The following NKAP variants were observed in gnomAD, a reference collection of about 807,000 sequenced individuals.
NKAP encodes the protein NF-kappa-B-activating protein.
A neutral mutation model predicts 35.6 loss-of-function variants in NKAP; 4 were observed. The ratio of observed to expected loss-of-function variants is 0.11; its 90% CI spans 0.06 to 0.26. The LOEUF (loss-of-function observed/expected upper bound fraction) is 0.26, where lower values mean the gene tolerates loss of function less well. Among genes scored for constraint, NKAP ranks in the 10% least tolerant of loss-of-function variants. The probability of loss-of-function intolerance (pLI) is 1.00; values close to 1 mark genes in which losing one functional copy is unlikely to be tolerated. For synonymous variants in NKAP, 106 were observed against 119.2 expected, an observed-to-expected ratio of 0.89 and a Z score of 0.72; for missense variants, 238 against 321.9, an observed-to-expected ratio of 0.74 and a Z score of 1.99.
At position 119,943,263 on chromosome X, in the gene NKAP, G is replaced by A. The variant is rs1208235413; in HGVS notation, c.343C>T (p.Pro115Ser). The A allele has an allele frequency of 2.7e-5, 33 of 1,209,005 alleles. No individual in the cohort carries two copies. Among genetic ancestry groups the A allele is most frequent in the Non-Finnish European group, 3.6e-5 (32 of 893,861 alleles). The change falls in exon 1 of 9, where the codon CCT becomes TCT. Residue 115 changes from proline (P) to serine (S), a missense_variant. Pro to Ser is a moderately conservative substitution (Grantham distance 74). Transcript: ENST00000371410. ...TCCCTCTCCTTGTCGAGGAGGCTAG[G>A]CCAAGGCTTGTCGCTCCCGTAGGGG... ...SRPYGSDKPWPSLLDKEREES... is the reference protein window; with the variant it reads ...SRPYGSDKPWSSLLDKEREES...
intron 1 of NKAP, 65 bp from the exon 2 acceptor site, chrX:119,938,875 A>C: frequency 1.2e-6 from 1 of 814,524 alleles, no homozygotes; most frequent in Non-Finnish European, 1.8e-6. Context: ...ATATAATCAA[A>C]TTCAATAGGA....
chrX:119,933,572 A>T (rs1368654011), intron 5 of NKAP, among the ~76,000 whole-genome samples: 1 of 112,337 alleles, frequency 8.9e-6, no homozygotes, highest in Non-Finnish European at 1.9e-5. Flanking sequence ...ACTGCAATTT[A>T]GGGACATTAT....
chrX:119,929,983 T>C (rs770993748), intron 8 of NKAP, 33 bp downstream of exon 8: 2 of 1,133,341 alleles, frequency 1.8e-6, no homozygotes, highest in African/African-American at 1.9e-5. Flanking sequence ...AAAGATCTAA[T>C]CATGGAAACT....
At chrX:119,928,970 C>T (rs1408931266) in intron 8 of NKAP, among the ~76,000 whole-genome samples, 1 of 110,534 alleles carries the variant, frequency 9.0e-6, no homozygotes, top group Non-Finnish European at 1.9e-5. Flanking sequence ...GATCTTGGCT[C>T]ATTGCAACCT....
At chrX:119,931,232 G>A (rs974196450) in intron 7 of NKAP, among the ~76,000 whole-genome samples, 5 of 111,144 alleles carry the variant, frequency 4.5e-5, no homozygotes, top group Non-Finnish European at 7.6e-5. Context: ...GACCAGGTGC[G>A]GTGGCTCACG....
intron 2 of NKAP, 200 bp from the exon 3 acceptor site, chrX:119,936,882 C>T (rs2056769488): frequency 2.7e-6 from 1 of 367,457 alleles, no homozygotes; most frequent in African/African-American, 2.7e-5. Context: ...GAACTACTTT[C>T]ATAAACGTGC....
Position 119,943,496 on chromosome X carries a change from G to A in NKAP, c.110C>T (p.Pro37Leu), listed in dbSNP as rs1179517814. The change falls in exon 1 of 9, where the codon CCG becomes CTG. Residue 37 changes from proline to leucine, a missense_variant. Physicochemically the swap from Pro to Leu is moderately conservative, Grantham distance 98. Around this residue, in one of 5 missense-constraint regions of NKAP, gnomAD observed 123 missense variants for 115.3 expected, o/e 1.07. Coordinates refer to ENST00000371410, the MANE Select transcript of NKAP (RefSeq NM_024528.4). ...GTGCGAGCGAGAGCGGCGGCCCCGC[G>A]GGGAGCGGGCAGATTTGCTGGGCTT... ...SPKPSKSARS[P>L]RGRRSRSHSC... 1 of 1,211,227 alleles carries A rather than the reference G, an allele frequency of 8.3e-7. No homozygotes were observed. The highest frequency in any genetic ancestry group is 1.8e-5 in the South Asian group (1 of 56,944).
chrX:119,931,790 A>G, intron 7 of NKAP, 146 bp downstream of exon 7: 1 of 509,594 alleles, frequency 2.0e-6, no homozygotes, highest in Non-Finnish European at 3.4e-6. Flanking sequence ...CAAAGTGCAC[A>G]TTAAGCCCAG....
At chrX:119,935,919 C>T (rs1330714315) in intron 4 of NKAP, among the ~76,000 whole-genome samples, 1 of 111,906 alleles carries the variant, frequency 8.9e-6, no homozygotes, top group Non-Finnish European at 1.9e-5. Context: ...GCCGATGCAG[C>T]CCTGTAAGGC....
At chrX:119,928,447 G>GT (rs781630934) in intron 8 of NKAP, among the ~76,000 whole-genome samples, 76 of 112,189 alleles carry the variant, frequency 6.8e-4, no homozygotes, top group African/African-American at 2.2e-3. Context: ...GGATTTTTGT[G>GT]TACTAACCTT....
intron 8 of NKAP, among the ~76,000 whole-genome samples, chrX:119,927,854 G>T (rs2056722520): frequency 8.9e-6 from 1 of 111,920 alleles, no homozygotes; most frequent in Non-Finnish European, 1.9e-5. Context: ...TTCTGATTTT[G>T]ATTGGGACTG....
At chrX:119,930,251 C>T (rs1325281453) in intron 7 of NKAP, 86 bp from the exon 8 acceptor site, 8 of 937,296 alleles carry the variant, frequency 8.5e-6, no homozygotes, top group Non-Finnish European at 1.2e-5. Context: ...ACCAAAAATC[C>T]CCACATTTTC....
At position 119,938,826 on chromosome X, in the gene NKAP, A is replaced by T. The variant is rs780744008; in HGVS notation, c.387-16T>A. ...ACTTAATCTCCTAGCAGATAAAGAC[A>T]TGTAAATTATAACTCAATGGCTGAG... On this transcript the variant is annotated splice_polypyrimidine_tract_variant and intron_variant, in intron 1 of 8. Coordinates refer to ENST00000371410, the MANE Select transcript of NKAP (RefSeq NM_024528.4). The T allele has an allele frequency of 9.0e-5, 100 of 1,115,213 alleles. No individual in the cohort carries two copies. Among genetic ancestry groups the T allele is most frequent in the Non-Finnish European group, 1.1e-4 (94 of 819,718 alleles). 91.9% of individuals were successfully genotyped at this position (1,115,213 alleles called of 1,213,427 possible).
At chrX:119,935,610 G>C (rs917438269) in intron 4 of NKAP, among the ~76,000 whole-genome samples, 5 of 111,603 alleles carry the variant, frequency 4.5e-5, no homozygotes, top group African/African-American at 1.6e-4. Context: ...AGAAATATTT[G>C]AAAGTTCTGT....
At position 119,924,320 on chromosome X, in the gene NKAP, G is replaced by A. The variant is rs942892149; in HGVS notation, c.*900C>T. 9.9e-5 allele frequency: 11 copies of A among 111,267 alleles called. No individual in the cohort carries two copies. The highest frequency in any genetic ancestry group is 1.1e-4 in the Non-Finnish European group (6 of 53,047). 9.2% of individuals were successfully genotyped at this position (111,267 alleles called of 1,213,427 possible). On this transcript the variant is annotated 3_prime_UTR_variant, in exon 9 of 9. Coordinates refer to ENST00000371410, the MANE Select transcript of NKAP (RefSeq NM_024528.4). ...TAGCACTGTCTCATGGTGTGAGATT[G>A]AAGTTTCTCATCTCACTAACACTTT...
At chrX:119,941,738 AC>A (rs1301320571) in intron 1 of NKAP, among the ~76,000 whole-genome samples, 1 of 111,133 alleles carries the variant, frequency 9.0e-6, no homozygotes, top group South Asian at 3.8e-4. Flanking sequence ...TGATCCTCCC[AC>A]TTCAGCATCC....
intron 8 of NKAP, among the ~76,000 whole-genome samples, chrX:119,926,068 TGCCTCA>T (rs1215443978): frequency 4.1e-5 from 4 of 98,689 alleles, no homozygotes; most frequent in African/African-American, 1.1e-4. Context: ...GCCATTCTCC[TGCCTCA>T]GCCTCCCCAG....
intron 8 of NKAP, among the ~76,000 whole-genome samples, chrX:119,925,699 T>C (rs2056707360): frequency 9.2e-6 from 1 of 108,963 alleles, no homozygotes; most frequent in African/African-American, 3.3e-5. Flanking sequence ...GTAGCTGAGA[T>C]AACAGGTCTG....
chrX:119,938,681 T>C (rs1431313849), intron 2 of NKAP, 49 bp downstream of exon 2: 1 of 872,312 alleles, frequency 1.1e-6, no homozygotes, highest in East Asian at 3.3e-5. Flanking sequence ...AGATTCAGGA[T>C]TTAAACACAT....
Sources: allele counts gnomAD v4.1 joint callset (sites outside exome capture counted in the v4.1 genomes callset), GRCh38; gene constraint gnomAD v4.1.1; regional missense constraint gnomAD v4.1.1; transcripts MANE v1.5; gene names NCBI Gene and HGNC (gene_info 2026-07-23, HGNC 2026-07-21).